SIDT1: variants seen among roughly 807,000 people sequenced by gnomAD.
SIDT1 encodes SID1 transmembrane family, member 1.
SIDT1 carries 101 observed loss-of-function variants against 107.5 expected under a neutral mutation model. The observed-to-expected ratio is 0.94, with a 90% CI of 0.80 to 1.11. The LOEUF is 1.11. SIDT1 is among the 50% of genes least tolerant of loss of function. SIDT1 has a pLI of 0.00. For synonymous variants in SIDT1, 395 were observed against 398.2 expected (o/e 0.99, Z 0.10); for missense variants, 1,076 against 1,058.2 (o/e 1.02, Z -0.23).
intron 1 of SIDT1, among the ~76,000 whole-genome samples, chr3:113,546,355 T>G (rs1346520954): frequency 6.6e-6 from 1 of 152,144 alleles, no homozygotes; most frequent in Non-Finnish European, 1.5e-5. Flanking sequence ...AAAATTTTAC[T>G]GTTGCTTTAA....
At chr3:113,577,038 G>T in intron 4 of SIDT1, 71 bp downstream of exon 4, 1 of 1,432,574 alleles carries the variant, frequency 7.0e-7, no homozygotes, top group Non-Finnish European at 9.9e-7. Flanking sequence ...GTGAAACCAT[G>T]TTACCCTGGT....
intron 4 of SIDT1, among the ~76,000 whole-genome samples, 157 bp from the exon 5 acceptor site, chr3:113,580,451 C>T (rs560762522): frequency 1.1e-4 from 16 of 152,282 alleles, no homozygotes; most frequent in African/African-American, 2.6e-4. Context: ...CAGAGCCCTG[C>T]GCAGATTTAG....
intron 2 of SIDT1, 26 bp from the exon 3 acceptor site, chr3:113,567,514 T>G (rs779546885): frequency 3.8e-6 from 6 of 1,573,440 alleles, no homozygotes; most frequent in Non-Finnish European, 5.2e-6. Flanking sequence ...CTTGTTTATT[T>G]TTTTCCCCTA....
At chr3:113,588,470 A>G (rs940408823) in intron 9 of SIDT1, among the ~76,000 whole-genome samples, 4 of 152,202 alleles carry the variant, frequency 2.6e-5, no homozygotes, top group African/African-American at 7.2e-5. Context: ...ACGAATACCT[A>G]TGGGGTTTGT....
intron 6 of SIDT1, 58 bp downstream of exon 6, chr3:113,581,502 C>A: frequency 7.3e-7 from 1 of 1,363,120 alleles, no homozygotes; most frequent in Non-Finnish European, 1.1e-6. Context: ...AGATAGTGTA[C>A]TTACTGGGCC....
At chr3:113,590,604 C>A (rs944583496) in intron 9 of SIDT1, among the ~76,000 whole-genome samples, 1 of 152,104 alleles carries the variant, frequency 6.6e-6, no homozygotes, top group African/African-American at 2.4e-5. Context: ...AAAAGAAACT[C>A]CGAGTTTAAC....
At chr3:113,537,101 A>C (rs941881339) in intron 1 of SIDT1, among the ~76,000 whole-genome samples, 2 of 152,222 alleles carry the variant, frequency 1.3e-5, no homozygotes, top group Non-Finnish European at 2.9e-5. Flanking sequence ...GAAACCCTTA[A>C]ATAAAATCTA....
intron 9 of SIDT1, among the ~76,000 whole-genome samples, chr3:113,585,486 T>G (rs75155330): frequency 0.014 from 2,107 of 152,230 alleles, 50 homozygotes; most frequent in African/African-American, 0.049. Context: ...CCACAAAAAG[T>G]ACAACTGCAG....
chr3:113,543,393 C>A (rs561166612), intron 1 of SIDT1, among the ~76,000 whole-genome samples: 52 of 152,274 alleles, frequency 3.4e-4, no homozygotes, highest in South Asian at 1.9e-3. Context: ...AGTCTTCTCA[C>A]TGAGCACTTT....
downstream of SIDT1, among the ~76,000 whole-genome samples, chr3:113,633,654 G>C (rs35952547): frequency 0.34 from 51,209 of 152,014 alleles, 8,636 homozygotes; most frequent in Non-Finnish European, 0.35. Context: ...TAAGAAGTAA[G>C]CTAGAAGGAA....
chr3:113,607,197 TA>T, intron 15 of SIDT1, 83 bp downstream of exon 15: 1 of 839,736 alleles, frequency 1.2e-6, no homozygotes, highest in Non-Finnish European at 1.9e-6. Context: ...TTAAAAATAC[TA>T]AAAACAACTG....
chr3:113,588,725 A>G (rs376769366), intron 9 of SIDT1: 2 of 152,086 alleles, frequency 1.3e-5, no homozygotes, highest in East Asian at 1.9e-4. Context: ...ACATTGCCAG[A>G]CATTGAATCC....
chr3:113,633,863 G>A (rs1427343038), downstream of SIDT1, among the ~76,000 whole-genome samples: 2 of 152,152 alleles, frequency 1.3e-5, no homozygotes, highest in African/African-American at 4.8e-5. Context: ...AGCAAGCCTT[G>A]GGGTCCACTG....
chr3:113,546,225 T>C lies in SIDT1; in HGVS notation c.222+12982T>C, dbSNP rs182313841. 9.2e-5 allele frequency among the ~76,000 whole-genome samples: 14 copies of C among 152,322 alleles called. 1 individual carries two copies. The East Asian group carries it at 2.7e-3, about 29-fold the overall frequency. On this transcript the variant is annotated intron_variant, in intron 1 of 24. Coordinates refer to ENST00000264852, the MANE Select transcript of SIDT1 (RefSeq NM_017699.3). The stretch of plus-strand genomic sequence containing the variant: ...ACCTTTATTGAAGCATTAAGAGTCA[T>C]TGTTCTGATATTTTTCCACCATGTG...
At chr3:113,545,018 G>C (rs905284693) in intron 1 of SIDT1, among the ~76,000 whole-genome samples, 1 of 150,880 alleles carries the variant, frequency 6.6e-6, no homozygotes, top group East Asian at 2.0e-4. Context: ...AGGAGGCTGA[G>C]GCAGGAGAAC....
chr3:113,585,801 G>A (rs1576858223), intron 9 of SIDT1, among the ~76,000 whole-genome samples: 1 of 152,260 alleles, frequency 6.6e-6, no homozygotes, highest in South Asian at 2.1e-4. Context: ...CCCTTGGAGG[G>A]GGAAAGGAGG....
chr3:113,556,551 T>C (rs1560029082), intron 1 of SIDT1, among the ~76,000 whole-genome samples: 1 of 152,128 alleles, frequency 6.6e-6, no homozygotes, highest in Non-Finnish European at 1.5e-5. Flanking sequence ...AAAAGTAGAT[T>C]GAAGCACAAT....
chr3:113,626,900 G>A lies in SIDT1; in HGVS notation c.2421+685G>A, dbSNP rs116950938. Among the ~76,000 whole-genome samples, 92 of 152,230 alleles carry A rather than the reference G, an allele frequency of 6.0e-4. 1 individual carries two copies. The East Asian group carries it at 0.014, about 23-fold the overall frequency. On this transcript the variant is annotated intron_variant, in intron 24 of 24. Transcript: ENST00000264852. ...CGGGCTCCAGACCTACTAGATGCCC[G>A]GGCTCCACGCAAAGCGGGCTCAGGC...
In SIDT1 at chr3:113,627,706, T is replaced by A; in HGVS notation, c.2482T>A (p.Ter828ArgextTer22). ...VVRRDQIPVF* is the reference protein window; with the variant it reads ...VVRRDQIPVFR ...TCGGAGAGACCAGATCCCTGTCTTCTGAACCTCCAACATTAAGAGAGGGGA... is the reference window on the plus strand; with the variant it reads ...TCGGAGAGACCAGATCCCTGTCTTCAGAACCTCCAACATTAAGAGAGGGGA... Residue 828 changes from the stop codon to arginine, a stop_lost, in exon 25 of 25, where the codon TGA becomes AGA. Transcript: ENST00000264852. The A allele has an allele frequency of 6.2e-7, 1 of 1,613,494 alleles. No individual in the cohort carries two copies. Among genetic ancestry groups the A allele is most frequent in the Non-Finnish European group, 8.5e-7 (1 of 1,179,938 alleles).
Sources: allele counts gnomAD v4.1 joint callset (sites outside exome capture counted in the v4.1 genomes callset), GRCh38; gene constraint gnomAD v4.1.1; transcripts MANE v1.5; gene names NCBI Gene and HGNC (gene_info 2026-07-23, HGNC 2026-07-21).